PIAS2: variants seen among roughly 807,000 people sequenced by gnomAD.
PIAS2 encodes the protein E3 SUMO-protein ligase PIAS2.
A neutral mutation model predicts 69.7 loss-of-function variants in PIAS2; 19 were observed. The observed-to-expected ratio is 0.27, with a 90% confidence interval of 0.19 to 0.40. The LOEUF (loss-of-function observed/expected upper bound fraction) is 0.40. Ranked by LOEUF, PIAS2 falls within the 10% of genes least tolerant of loss-of-function variation. PIAS2 has a pLI of 1.00. For missense variants in PIAS2, 624 were observed against 757.0 expected (o/e 0.82, Z 2.06); for synonymous variants, 261 against 263.2 (o/e 0.99, Z 0.08).
At chr18:46,897,173 A>G (rs956236163) in intron 1 of PIAS2, among the ~76,000 whole-genome samples, 6 of 152,176 alleles carry the variant, frequency 3.9e-5, no homozygotes, top group African/African-American at 1.4e-4. Context: ...GGTATTCTAG[A>G]TTTCATTAAA....
At chr18:46,825,041 C>T (rs536534585) in intron 11 of PIAS2, among the ~76,000 whole-genome samples, 3 of 151,698 alleles carry the variant, frequency 2.0e-5, no homozygotes, top group Non-Finnish European at 2.9e-5. Context: ...CACATAATTT[C>T]GGGGCTGTAA....
chr18:46,820,481 C>T (rs2042047599), intron 12 of PIAS2, among the ~76,000 whole-genome samples: 1 of 152,100 alleles, frequency 6.6e-6, no homozygotes, highest in Admixed American at 6.6e-5. Flanking sequence ...TTAAGCCCCA[C>T]TCTAGGGAAA....
chr18:46,811,085 A>G lies in PIAS2; in HGVS notation c.*1348T>C, dbSNP rs1053515081. On this transcript the variant is annotated 3_prime_UTR_variant, in exon 14 of 14. Transcript: ENST00000585916. ...ATCAAACAAACACACTATAGAAGAGAAATTTTCAAAGTGCACCCAATAAAA... is the reference window on the plus strand; with the variant it reads ...ATCAAACAAACACACTATAGAAGAGGAATTTTCAAAGTGCACCCAATAAAA... The G allele has an allele frequency of 6.6e-6, 1 of 152,144 alleles. No homozygotes were observed. 9.4% of individuals were successfully genotyped at this position (152,144 alleles called of 1,614,324 possible). A position where few individuals can be genotyped will look rare whatever the true frequency, so the allele number is the denominator to read the frequency against.
intron 11 of PIAS2, among the ~76,000 whole-genome samples, chr18:46,823,585 A>C (rs1415563267): frequency 6.6e-6 from 1 of 152,188 alleles, no homozygotes; most frequent in East Asian, 1.9e-4. Flanking sequence ...TAAATGAGTA[A>C]ATAGCTACTC....
chr18:46,815,182 G>T, intron 13 of PIAS2, 130 bp downstream of exon 13: 1 of 707,722 alleles, frequency 1.4e-6, no homozygotes, highest in Non-Finnish European at 2.4e-6. Context: ...TATTTGCACA[G>T]TACTTCCTTT....
chr18:46,849,181 C>T (rs1379289140), intron 5 of PIAS2, among the ~76,000 whole-genome samples: 2 of 152,064 alleles, frequency 1.3e-5, no homozygotes, highest in Non-Finnish European at 2.9e-5. Flanking sequence ...GAGAGTAACA[C>T]TCATGTAAGA....
chr18:46,917,579 G>T (rs1365042796), upstream of PIAS2: 11 of 1,071,988 alleles, frequency 1.0e-5, no homozygotes, highest in South Asian at 4.4e-5. Context: ...CCACCCGCGC[G>T]ACCGCCTTCC....
At chr18:46,817,714 A>G (rs2041709648) in intron 12 of PIAS2, 1 of 944,156 alleles carries the variant, frequency 1.1e-6, no homozygotes, top group African/African-American at 1.8e-5. Context: ...TCTATATAAA[A>G]CCTGTTTAAT....
At chr18:46,889,642 C>A (rs2145971491) in intron 2 of PIAS2, among the ~76,000 whole-genome samples, 1 of 152,188 alleles carries the variant, frequency 6.6e-6, no homozygotes, top group East Asian at 1.9e-4. Flanking sequence ...ATGTAAAATG[C>A]AGCTGCCACG....
chr18:46,855,997 GTT>G (rs1171297653), intron 3 of PIAS2, among the ~76,000 whole-genome samples: 249 of 67,908 alleles, frequency 3.7e-3, no homozygotes, highest in African/African-American at 0.014. Context: ...TTTTTCTTTT[GTT>G]TTTTTTTTTT....
chr18:46,829,569 C>G (rs886786039), intron 10 of PIAS2, among the ~76,000 whole-genome samples, 165 bp downstream of exon 10: 1 of 152,128 alleles, frequency 6.6e-6, no homozygotes, highest in African/African-American at 2.4e-5. Context: ...TAAACTTTAG[C>G]ACATTCCTTC....
At chr18:46,916,831 G>A (rs1214691262) in intron 1 of PIAS2, 13 of 985,300 alleles carry the variant, frequency 1.3e-5, no homozygotes, top group South Asian at 4.7e-5. Flanking sequence ...TGACAGACCT[G>A]ACTAAACGGT....
At chr18:46,852,520 A>G (rs1568519470) in intron 5 of PIAS2, 1 of 152,216 alleles carries the variant, frequency 6.6e-6, no homozygotes, top group Non-Finnish European at 1.5e-5. Context: ...AGTAGTCAAT[A>G]TGTTCACAAA....
In PIAS2 at chr18:46,881,900, C is replaced by A. The variant is rs556142222; in HGVS notation, c.499+8680G>T. Among the ~76,000 whole-genome samples, 3 of 152,282 alleles carry A rather than the reference C, an allele frequency of 2.0e-5. No homozygotes were observed. The South Asian group carries it at 6.2e-4, about 32-fold the overall frequency. On this transcript the variant is annotated intron_variant, in intron 2 of 13. Coordinates refer to ENST00000585916, the MANE Select transcript of PIAS2 (RefSeq NM_004671.5). ...GATCACGAGGTCAAGAGTTCCAGACCAGCCTGGCCGACATGGTGAAACCCT... is the reference window on the plus strand; with the variant it reads ...GATCACGAGGTCAAGAGTTCCAGACAAGCCTGGCCGACATGGTGAAACCCT...
intron 2 of PIAS2, among the ~76,000 whole-genome samples, chr18:46,888,144 C>T (rs551282239): frequency 1.3e-5 from 2 of 152,018 alleles, no homozygotes; most frequent in East Asian, 1.9e-4. Flanking sequence ...AAATTAACCA[C>T]GAAAATGAAA....
intron 2 of PIAS2, among the ~76,000 whole-genome samples, chr18:46,878,375 A>G (rs1468270921): frequency 6.6e-6 from 1 of 152,256 alleles, no homozygotes; most frequent in Non-Finnish European, 1.5e-5. Context: ...GGAAAAAACA[A>G]GCAGTTCAAC....
At chr18:46,817,684 C>A (rs1394405843) in intron 12 of PIAS2, 3 of 955,074 alleles carry the variant, frequency 3.1e-6, no homozygotes. Flanking sequence ...GATTGTTTAC[C>A]AAGCATTACA....
chr18:46,817,784 T>G (rs2041716301), intron 12 of PIAS2: 1 of 951,838 alleles, frequency 1.1e-6, no homozygotes, highest in African/African-American at 1.8e-5. Flanking sequence ...AAGTTTGATA[T>G]GGTATTTTAG....
chr18:46,895,445 C>A (rs975573005), intron 1 of PIAS2, among the ~76,000 whole-genome samples: 1 of 152,012 alleles, frequency 6.6e-6, no homozygotes, highest in Admixed American at 6.5e-5. Flanking sequence ...CCAAAGCGGG[C>A]GGATCATCTG....
Sources: allele counts gnomAD v4.1 joint callset (sites outside exome capture counted in the v4.1 genomes callset), GRCh38; gene constraint gnomAD v4.1.1; transcripts MANE v1.5; gene names NCBI Gene and HGNC (gene_info 2026-07-23, HGNC 2026-07-21).